The following VIRMA variants were observed in gnomAD, a reference collection of about 807,000 sequenced individuals.
VIRMA encodes the protein vir like m6A methyltransferase associated, also known as protein virilizer homolog.
In VIRMA, 65 loss-of-function variants were observed where a neutral mutation model predicts 182.4. The ratio of observed to expected loss-of-function variants is 0.36; its 90% CI spans 0.29 to 0.44. VIRMA has a LOEUF of 0.44. VIRMA is among the 20% of genes least tolerant of loss of function. The probability of loss-of-function intolerance (pLI) is 1.00; values close to 1 mark genes in which losing one functional copy is unlikely to be tolerated. For missense variants in VIRMA, 1,752 were observed against 2,158.1 expected, an observed-to-expected ratio of 0.81 and a Z score of 3.73; for synonymous variants, 709 against 743.1, an observed-to-expected ratio of 0.95 and a Z score of 0.75.
intron 11 of VIRMA, 118 bp downstream of exon 11, chr8:94,514,751 A>T: frequency 1.7e-6 from 1 of 579,132 alleles, no homozygotes; most frequent in Non-Finnish European, 3.1e-6. Context: ...AAGTCTAATA[A>T]ATCAATCAAG....
chr8:94,553,107 G>C (rs1039044380), intron 1 of VIRMA, among the ~76,000 whole-genome samples: 1 of 151,992 alleles, frequency 6.6e-6, no homozygotes, highest in Admixed American at 6.6e-5. Flanking sequence ...TCCTTCTCAA[G>C]GCCCAAACCT....
chr8:94,508,495 C>T (rs1043445620), intron 15 of VIRMA, among the ~76,000 whole-genome samples: 2 of 152,078 alleles, frequency 1.3e-5, no homozygotes, highest in South Asian at 4.1e-4. Flanking sequence ...CAACAAGGCT[C>T]GAATCAGAAG....
At chr8:94,496,575 C>G (rs1330422494) in intron 17 of VIRMA, 95 bp from the exon 18 acceptor site, 9 of 986,070 alleles carry the variant, frequency 9.1e-6, no homozygotes, top group Non-Finnish European at 1.3e-5. Context: ...ATGCTGCAAT[C>G]TTTCCTTCAA....
rs1279216148 is a variant in VIRMA at position 94,530,864 on chromosome 8, G to A, written c.607+99C>T. ...GTGGTCAAGACTGCAGTGAGCCACT[G>A]TACTCCACCCTGGGCAACAGAGTGA... is the stretch of plus-strand genomic sequence containing the variant. On this transcript the variant is annotated intron_variant, in intron 6 of 23. Coordinates refer to ENST00000297591, the MANE Select transcript of VIRMA (RefSeq NM_015496.5). The A allele has an allele frequency of 3.0e-6, 4 of 1,353,106 alleles. No homozygotes were observed. In the African/African-American group the frequency reaches 6.0e-5, roughly 20 times the overall value. The allele number at this position is 1,353,106 out of a possible 1,614,324, so 83.8% of individuals were successfully genotyped here. A position where few individuals can be genotyped will look rare whatever the true frequency, so the allele number is the denominator to read the frequency against.
At chr8:94,501,992 C>T (rs1814003989) in intron 16 of VIRMA, among the ~76,000 whole-genome samples, 1 of 152,128 alleles carries the variant, frequency 6.6e-6, no homozygotes, top group Non-Finnish European at 1.5e-5. Context: ...TGTTGAGTTT[C>T]TATCTTGATG....
At chr8:94,534,505 T>A (rs1440357182) in intron 5 of VIRMA, 3 of 329,396 alleles carry the variant, frequency 9.1e-6, no homozygotes, top group African/African-American at 6.5e-5. Flanking sequence ...TCTTGTCAAG[T>A]CTTAAGCAAG....
At chr8:94,521,537 A>C (rs1814769883) in intron 8 of VIRMA, among the ~76,000 whole-genome samples, 1 of 152,192 alleles carries the variant, frequency 6.6e-6, no homozygotes, top group African/African-American at 2.4e-5. Context: ...AAAACTTCTT[A>C]ATTTTTAATT....
intron 2 of VIRMA, 80 bp downstream of exon 2, chr8:94,543,747 C>G (rs1586113096): frequency 5.2e-6 from 4 of 767,200 alleles, no homozygotes; most frequent in Non-Finnish European, 8.9e-6. Context: ...TAAAATATTC[C>G]CTTACATTTT....
chr8:94,553,429 T>G lies in VIRMA; in HGVS notation c.19A>C (p.Met7Leu). 6.2e-7 allele frequency: 1 copy of G among 1,614,072 alleles called. No individual in the cohort carries two copies. The highest frequency in any genetic ancestry group is 8.5e-7 in the Non-Finnish European group (1 of 1,180,010). The change falls in exon 1 of 24, where the codon ATG becomes CTG. Residue 7 changes from methionine (M) to leucine (L), a missense_variant. By Grantham distance (15) the Met-to-Leu change is conservative. Transcript: ENST00000297591. ...AAAGTATCTAAAAATAACAGCTCCA[T>G]CGCCGAGTCCACCGCCATGTTTGCC... MAVDSAMELLFLDTFKH... is the reference protein window; with the variant it reads MAVDSALELLFLDTFKH...
intron 1 of VIRMA, among the ~76,000 whole-genome samples, chr8:94,550,244 CT>C (rs1158321847): frequency 9.9e-5 from 15 of 152,102 alleles, no homozygotes; most frequent in Admixed American, 9.8e-4. Context: ...TAACATCTCA[CT>C]TTTTCTCTCT....
At chr8:94,516,538 T>C (rs966749719) in intron 10 of VIRMA, among the ~76,000 whole-genome samples, 2 of 152,284 alleles carry the variant, frequency 1.3e-5, no homozygotes, top group African/African-American at 4.8e-5. Context: ...TAGAAAATAG[T>C]AGCCAGGTCT....
At chr8:94,540,379 T>C (rs1815496527) in intron 2 of VIRMA, among the ~76,000 whole-genome samples, 1 of 151,870 alleles carries the variant, frequency 6.6e-6, no homozygotes. Flanking sequence ...TAACAACATA[T>C]ATTTGCCTTA....
intron 18 of VIRMA, 116 bp downstream of exon 18, chr8:94,496,212 G>A: frequency 1.2e-6 from 1 of 866,428 alleles, no homozygotes; most frequent in Non-Finnish European, 1.7e-6. Context: ...ATTTGAAATG[G>A]TACAAACACC....
In VIRMA at chr8:94,503,084, TA is replaced by T. The variant is rs529248728; in HGVS notation, c.4097+3415del. Among the ~76,000 whole-genome samples, 426 of 151,772 alleles carry T rather than the reference TA, an allele frequency of 2.8e-3. 1 individual carries two copies. Among genetic ancestry groups the T allele is most frequent in the Middle Eastern group, 6.8e-3 (2 of 294 alleles). Reference sequence around the variant, plus strand: ...TCCTTATGGAAGGAAAATTAGTAAGTAAAAAGGAATGAAGGGAATAGAAAAT... The same window carrying T: ...TCCTTATGGAAGGAAAATTAGTAAGTAAAAGGAATGAAGGGAATAGAAAAT... On this transcript the variant is annotated intron_variant, in intron 16 of 23. Transcript: ENST00000297591.
chr8:94,546,803 A>C lies in VIRMA; in HGVS notation c.64-2861T>G, dbSNP rs763495493. Reference sequence around the variant, plus strand: ...CTTCTTTCTTGCCTCCCATCAACACATTCTCCTACTGAAGTATGGTCTTTC... The same window carrying C: ...CTTCTTTCTTGCCTCCCATCAACACCTTCTCCTACTGAAGTATGGTCTTTC... On this transcript the variant is annotated intron_variant, in intron 1 of 23. Transcript: ENST00000297591. 20 of 395,884 alleles carry C rather than the reference A, an allele frequency of 5.1e-5. No individual in the cohort carries two copies. The Admixed American group carries it at 5.3e-4, about 10-fold the overall frequency. The allele number at this position is 395,884 out of a possible 1,614,324, so 24.5% of individuals were successfully genotyped here. A position where few individuals can be genotyped will look rare whatever the true frequency, so the allele number is the denominator to read the frequency against.
intron 15 of VIRMA, among the ~76,000 whole-genome samples, chr8:94,507,980 T>C (rs1814230445): frequency 7.0e-6 from 1 of 142,344 alleles, no homozygotes; most frequent in South Asian, 2.1e-4. Context: ...TATATATGTA[T>C]ATATGTGTAT....
intron 8 of VIRMA, among the ~76,000 whole-genome samples, chr8:94,519,732 T>A (rs534853844): frequency 1.3e-5 from 2 of 152,302 alleles, no homozygotes; most frequent in East Asian, 3.9e-4. Flanking sequence ...AAGCTTTTCT[T>A]TAAATTTTGG....
intron 2 of VIRMA, among the ~76,000 whole-genome samples, chr8:94,541,319 C>T (rs75307417): frequency 0.04 from 6,060 of 151,852 alleles, 133 homozygotes; most frequent in Non-Finnish European, 0.05. Flanking sequence ...ATGAGGTCTC[C>T]AAACTCTTGG....
intron 5 of VIRMA, chr8:94,533,886 G>GT (rs1815250491): frequency 6.6e-6 from 1 of 151,978 alleles, no homozygotes; most frequent in Non-Finnish European, 1.5e-5. Context: ...GAATCTCATT[G>GT]TGTCAACTTC....
Sources: allele counts gnomAD v4.1 joint callset (sites outside exome capture counted in the v4.1 genomes callset), GRCh38; gene constraint gnomAD v4.1.1; transcripts MANE v1.5; gene names NCBI Gene and HGNC (gene_info 2026-07-23, HGNC 2026-07-21).